CHD2: variants seen among roughly 807,000 people sequenced by gnomAD.
CHD2 encodes the protein chromodomain helicase DNA binding protein 2, also known as ATP-dependent chromatin remodeler CHD2.
CHD2 carries 28 observed loss-of-function variants against 243.9 expected under a neutral mutation model. The ratio of observed to expected loss-of-function variants is 0.11; its 90% CI spans 0.09 to 0.16. CHD2 has a LOEUF of 0.16. Among genes scored for constraint, CHD2 ranks in the 10% least tolerant of loss-of-function variants. The pLI, the probability that CHD2 is intolerant of heterozygous loss-of-function variation, is 1.00. For synonymous variants in CHD2, 775 were observed against 779.0 expected (o/e 0.99, Z 0.09); for missense variants, 1,386 against 2,209.8 (o/e 0.63, Z 7.47).
chr15:92,965,590 A>AAAAC (rs1204035217), intron 16 of CHD2, among the ~76,000 whole-genome samples: 1 of 142,640 alleles, frequency 7.0e-6, no homozygotes, highest in Non-Finnish European at 1.6e-5. Flanking sequence ...AAAAAAAAAA[A>AAAAC]AAAAACCAAC....
chr15:92,993,133 G>A (rs2054142129), intron 28 of CHD2, 135 bp downstream of exon 28: 5 of 855,902 alleles, frequency 5.8e-6, no homozygotes, highest in East Asian at 2.7e-5. Context: ...TCTGAGCTGC[G>A]TTTCTGTGAG....
At chr15:93,019,636 CAAAAAT>C (rs2054506629) in intron 37 of CHD2, among the ~76,000 whole-genome samples, 1 of 151,914 alleles carries the variant, frequency 6.6e-6, no homozygotes, top group Non-Finnish European at 1.5e-5. Context: ...TGGAAGAAAA[CAAAAAT>C]AAAAAATAAG....
Position 92,997,445 on chromosome 15 carries a change from T to A in CHD2, c.3885+42T>A. 3.3e-6 allele frequency: 5 copies of A among 1,495,362 alleles called. No individual in the cohort carries two copies. Among genetic ancestry groups the A allele is most frequent in the Non-Finnish European group, 4.5e-6 (5 of 1,120,852 alleles). The allele number at this position is 1,495,362 out of a possible 1,614,324, so 92.6% of individuals were successfully genotyped here. ...TGCTAGAGATTTCTAGAAGATTTGT[T>A]GTGTAATATTTTTATATCGATTACT... is the stretch of plus-strand genomic sequence containing the variant. On this transcript the variant is annotated intron_variant, in intron 30 of 38. Transcript: ENST00000394196. This position sits in a 1 kb window ranked among gnomAD's most constrained non-coding sequence, Gnocchi z 4.1.
chr15:92,989,753 A>C (rs2054092457), intron 26 of CHD2, among the ~76,000 whole-genome samples: 1 of 152,222 alleles, frequency 6.6e-6, no homozygotes, highest in South Asian at 2.1e-4. Flanking sequence ...AGGCTCAGAC[A>C]AATGACAGTG....
intron 2 of CHD2, chr15:92,905,156 T>C (rs2052596872): frequency 1.4e-6 from 1 of 724,008 alleles, no homozygotes; most frequent in Non-Finnish European, 2.2e-6. Context: ...AGAAAACTAC[T>C]CTTTTAAGTG....
At chr15:93,013,928 CAAAAAAAAAAAAAAAAAAA>C (rs35774813) in intron 36 of CHD2, among the ~76,000 whole-genome samples, 1 of 64,134 alleles carries the variant, frequency 1.6e-5, no homozygotes, top group African/African-American at 7.0e-5. Context: ...GACTCTGTCT[CAAAAAAAAAAAAAAAAAAA>C]AAAAAAAAAT....
rs184459534 is a variant in CHD2 at position 92,927,905 on chromosome 15, A to G, written c.381+575A>G. 4.5e-4 allele frequency among the ~76,000 whole-genome samples: 68 copies of G among 152,310 alleles called. 2 individuals are homozygous for G. The East Asian group carries it at 0.011, about 24-fold the overall frequency. On this transcript the variant is annotated intron_variant, in intron 4 of 38. Coordinates refer to ENST00000394196, the MANE Select transcript of CHD2 (RefSeq NM_001271.4). Reference sequence around the variant, plus strand: ...TTTTTTTAAATTGGTATTCTATACCAGGCTTGGTTGTCTATAGAATCAGAC... The same window carrying G: ...TTTTTTTAAATTGGTATTCTATACCGGGCTTGGTTGTCTATAGAATCAGAC...
chr15:93,008,292 T>C (rs1194650724), intron 34 of CHD2, among the ~76,000 whole-genome samples: 3 of 152,366 alleles, frequency 2.0e-5, no homozygotes, highest in African/African-American at 7.2e-5. Context: ...CCCTCATCTG[T>C]GCCTGTGCAG....
intron 28 of CHD2, 54 bp from the exon 29 acceptor site, chr15:92,996,903 C>T: frequency 6.4e-7 from 1 of 1,559,692 alleles, no homozygotes; most frequent in Non-Finnish European, 8.7e-7. Flanking sequence ...TACATGTTTT[C>T]TGTGGAACTT....
chr15:92,901,711 T>G (rs2052531058), intron 2 of CHD2: 2 of 323,848 alleles, frequency 6.2e-6, no homozygotes, highest in Admixed American at 4.8e-5. Flanking sequence ...TATCTAAACT[T>G]GTAACTGAGG....
chr15:92,957,360 C>T lies in CHD2; in HGVS notation c.2000+711C>T, dbSNP rs550379594. Among the ~76,000 whole-genome samples the T allele has an allele frequency of 2.0e-3, 310 of 152,348 alleles. 1 individual carries two copies. The highest frequency in any genetic ancestry group is 7.1e-3 in the African/African-American group (294 of 41,580). ...TTCTTGTCTTCACATGGCCAACCAC[C>T]TTAATGTTTCAGCTCATCTTAAACG... On this transcript the variant is annotated intron_variant, in intron 16 of 38. Coordinates refer to ENST00000394196, the MANE Select transcript of CHD2 (RefSeq NM_001271.4).
chr15:92,904,464 C>T (rs2052581178), intron 2 of CHD2: 18 of 989,464 alleles, frequency 1.8e-5, no homozygotes, highest in Non-Finnish European at 2.0e-5. Context: ...CTTTCTCCTC[C>T]CCCTACCCAG....
chr15:93,000,792 A>G (rs2054245138), intron 32 of CHD2, 152 bp downstream of exon 32: 5 of 856,790 alleles, frequency 5.8e-6, no homozygotes, highest in Admixed American at 2.8e-5. Flanking sequence ...GTCAGCGAGG[A>G]TAGTTTAAGT....
intron 34 of CHD2, among the ~76,000 whole-genome samples, chr15:93,005,737 G>A (rs1319573749): frequency 2.0e-5 from 3 of 152,068 alleles, no homozygotes; most frequent in South Asian, 2.1e-4. Flanking sequence ...GCTCTCTGAG[G>A]ACAAGTATTG....
chr15:92,924,485 A>G lies in CHD2; in HGVS notation c.227A>G (p.Gln76Arg). ...AGCGAATCAGCAGGTTCCAAATCCCAGCCAGTCCTCCCAGAAGCCAAAGAG... is the reference window on the plus strand; with the variant it reads ...AGCGAATCAGCAGGTTCCAAATCCCGGCCAGTCCTCCCAGAAGCCAAAGAG... Reference protein sequence around the residue: ...SESESAGSKSQPVLPEAKEKP... With the variant: ...SESESAGSKSRPVLPEAKEKP... Residue 76 changes from glutamine to arginine, a missense_variant, in exon 3 of 39, where the codon CAG (glutamine) becomes CGG (arginine). Around this residue, in one of 19 missense-constraint regions of CHD2, gnomAD observed 89 missense variants for 102.4 expected, o/e 0.87. Transcript: ENST00000394196. The G allele has an allele frequency of 2.5e-6, 4 of 1,614,154 alleles. No individual in the cohort carries two copies. The highest frequency in any genetic ancestry group is 3.4e-6 in the Non-Finnish European group (4 of 1,180,014).
chr15:93,015,131 T>G (rs2054442339), intron 37 of CHD2, among the ~76,000 whole-genome samples: 2 of 152,140 alleles, frequency 1.3e-5, no homozygotes, highest in African/African-American at 4.8e-5. Flanking sequence ...CAGGCTGGAG[T>G]GCAGTGGCAC....
At chr15:93,001,347 G>C (rs767684800) in intron 32 of CHD2, among the ~76,000 whole-genome samples, 2 of 152,088 alleles carry the variant, frequency 1.3e-5, no homozygotes, top group Non-Finnish European at 2.9e-5. Flanking sequence ...TGTAACCTCT[G>C]GTCTAAGTAA....
chr15:92,949,258 T>C (rs1019257703), intron 13 of CHD2, 182 bp downstream of exon 13: 2 of 1,396,584 alleles, frequency 1.4e-6, no homozygotes, highest in Non-Finnish European at 1.9e-6. Context: ...TTTTTATGTA[T>C]GTGTAATACC....
chr15:92,971,613 A>C (rs1477673464), intron 17 of CHD2, 152 bp from the exon 18 acceptor site: 1 of 521,798 alleles, frequency 1.9e-6, no homozygotes, highest in Admixed American at 3.7e-5. Flanking sequence ...ATTAGATGGC[A>C]GGAGATACAA....
Sources: allele counts gnomAD v4.1 joint callset (sites outside exome capture counted in the v4.1 genomes callset), GRCh38; gene constraint gnomAD v4.1.1; regional missense constraint gnomAD v4.1.1; non-coding constraint Gnocchi (gnomAD v3.1); transcripts MANE v1.5; gene names NCBI Gene and HGNC (gene_info 2026-07-23, HGNC 2026-07-21).